ETV3: variants seen among roughly 807,000 people sequenced by gnomAD.
ETV3 encodes ETS variant transcription factor 3, also known as ETS translocation variant 3.
ETV3 carries 8 observed loss-of-function variants against 33.0 expected under a neutral mutation model. The observed-to-expected ratio is 0.24, with a 90% CI of 0.14 to 0.44. ETV3 has a LOEUF of 0.44. ETV3 is among the 20% of genes least tolerant of loss of function. The pLI is 1.00. For synonymous variants in ETV3, 222 were observed against 238.9 expected, an observed-to-expected ratio of 0.93 and a Z score of 0.65; for missense variants, 473 against 652.3, an observed-to-expected ratio of 0.73 and a Z score of 2.99.
intron 1 of ETV3, among the ~76,000 whole-genome samples, chr1:157,137,854 C>G (rs1675158860): frequency 6.6e-6 from 1 of 152,180 alleles, no homozygotes; most frequent in African/African-American, 2.4e-5. Flanking sequence ...AGCCCTGGGG[C>G]GCCTCTGCAC....
chr1:157,135,750 G>A, intron 2 of ETV3, 42 bp from the exon 3 acceptor site: 1 of 1,574,250 alleles, frequency 6.4e-7, no homozygotes, highest in Non-Finnish European at 8.7e-7. Flanking sequence ...TTAAGAGGTA[G>A]GTACATACAT....
At position 157,125,366 on chromosome 1, in the gene ETV3, C is replaced by T; in HGVS notation, c.1014G>A (p.Glu338=). 6.4e-7 allele frequency: 1 copy of T among 1,552,002 alleles called. No individual in the cohort carries two copies. The highest frequency in any genetic ancestry group is 1.2e-5 in the South Asian group (1 of 84,064). ...PPLQCQMHPE[E]STQFSIKLQP... ...GCAGCTTGATGGAGAACTGAGTTGA[C>T]TCCTCAGGATGCATTTGGCACTGCA... is the stretch of plus-strand genomic sequence containing the variant. Residue 338 remains glutamate (E), a synonymous_variant, in exon 5 of 5, where the codon GAG becomes GAA. Transcript: ENST00000368192. The surrounding 1 kb of genome is among the most constrained non-coding windows in gnomAD (Gnocchi z 4.0).
rs1427305629 is a variant in ETV3, at chr1:157,125,890, C to G, written c.490G>C (p.Val164Leu). 2 of 1,551,758 alleles carry G rather than the reference C, an allele frequency of 1.3e-6. No homozygotes were observed. Among genetic ancestry groups the G allele is most frequent in the South Asian group, 2.4e-5 (2 of 84,060 alleles). The part of the protein sequence containing the change: ...PLDTHSPTND[V>L]QPGRFSASSL... ...CTAGCAGAGAACCGTCCCGGCTGCA[C>G]ATCATTGGTTGGAGAATGGGTGTCC... The change falls in exon 5 of 5, where the codon GTG (valine) becomes CTG (leucine). Residue 164 changes from valine to leucine, a missense_variant. Val to Leu is a conservative substitution (Grantham distance 32, BLOSUM62 1). Coordinates refer to ENST00000368192, the MANE Select transcript of ETV3 (RefSeq NM_001145312.3). This position sits in a 1 kb window ranked among gnomAD's most constrained non-coding sequence, Gnocchi z 4.0.
intron 1 of ETV3, among the ~76,000 whole-genome samples, chr1:157,138,023 G>T (rs890511498): frequency 6.6e-6 from 1 of 152,160 alleles, no homozygotes; most frequent in Non-Finnish European, 1.5e-5. Flanking sequence ...CAGCAGCTCC[G>T]GGTCCTGGCT....
rs995016813 is a variant in ETV3 at position 157,137,505 on chromosome 1, G to GAA, written c.-14+809_-14+810dup. Among the ~76,000 whole-genome samples, 114 of 115,140 alleles carry GAA rather than the reference G, an allele frequency of 9.9e-4. No individual in the cohort carries two copies. The Middle Eastern group carries it at 0.02, about 20-fold the overall frequency. 75.5% of individuals were successfully genotyped at this position (115,140 alleles called of 152,430 possible). On this transcript the variant is annotated intron_variant, in intron 1 of 4. Coordinates refer to ENST00000368192, the MANE Select transcript of ETV3 (RefSeq NM_001145312.3). ...CACCCCAAAGGAAGGAGCAGACAAG[G>GAA]AAAAACACACACACACACACACACA...
At chr1:157,135,210 G>C in intron 3 of ETV3, 1 of 589,566 alleles carries the variant, frequency 1.7e-6, no homozygotes, top group South Asian at 2.1e-5. Context: ...GCCCACTACA[G>C]AGCAGAATCA....
In ETV3 at chr1:157,125,998, C is replaced by T. The variant is rs574745199; in HGVS notation, c.401-19G>A. On this transcript the variant is annotated intron_variant, in intron 4 of 4. Coordinates refer to ENST00000368192, the MANE Select transcript of ETV3 (RefSeq NM_001145312.3). The surrounding 1 kb of genome is among the most constrained non-coding windows in gnomAD (Gnocchi z 4.0). ...ACCACACCTGTGATGGTGGAAAATACAAAAGCCTGCATCAGAGGACTGCTC... is the reference window on the plus strand; with the variant it reads ...ACCACACCTGTGATGGTGGAAAATATAAAAGCCTGCATCAGAGGACTGCTC... The T allele has an allele frequency of 4.2e-5, 63 of 1,518,044 alleles. No homozygotes were observed. The highest frequency in any genetic ancestry group is 6.5e-5 in the Admixed American group (3 of 45,856). The allele number at this position is 1,518,044 out of a possible 1,614,324, so 94.0% of individuals were successfully genotyped here. A position where few individuals can be genotyped will look rare whatever the true frequency, so the allele number is the denominator to read the frequency against.
intron 4 of ETV3, chr1:157,133,374 G>A: frequency 1.0e-6 from 1 of 984,708 alleles, no homozygotes; most frequent in Non-Finnish European, 1.2e-6. Flanking sequence ...CAGATAAGGG[G>A]AACTACTGTA....
At chr1:157,128,694 T>C (rs1313416973) in intron 4 of ETV3, 1 of 172,622 alleles carries the variant, frequency 5.8e-6, no homozygotes, top group Admixed American at 6.0e-5. Flanking sequence ...GCCTTATTTA[T>C]TGCAAAACAG....
rs557865006 is a variant in ETV3 at position 157,128,387 on chromosome 1, A to T, written c.401-2408T>A. 32 of 224,548 alleles carry T rather than the reference A, an allele frequency of 1.4e-4. 1 individual carries two copies. The highest frequency in any genetic ancestry group is 2.8e-4 in the Non-Finnish European group (30 of 105,282). The allele number at this position is 224,548 out of a possible 1,614,324, so 13.9% of individuals were successfully genotyped here. A position where few individuals can be genotyped will look rare whatever the true frequency, so the allele number is the denominator to read the frequency against. On this transcript the variant is annotated intron_variant, in intron 4 of 4. Transcript: ENST00000368192. ...ACGGGTGATATTGAGAAAGGCAAGA[A>T]GATTTGTGTTCAGAAGTGTGCCCAG...
Position 157,125,985 on chromosome 1 carries a change from ATGG to A in ETV3, c.401-9_401-7del. On this transcript the variant is annotated splice_region_variant and splice_polypyrimidine_tract_variant and intron_variant, in intron 4 of 4. Transcript: ENST00000368192. This position sits in a 1 kb window ranked among gnomAD's most constrained non-coding sequence, Gnocchi z 4.0. Reference sequence around the variant, plus strand: ...TGCACTCTGAGGAACCACACCTGTGATGGTGGAAAATACAAAAGCCTGCATCAG... The same window carrying A: ...TGCACTCTGAGGAACCACACCTGTGATGGAAAATACAAAAGCCTGCATCAG... 6.5e-7 allele frequency: 1 copy of A among 1,531,660 alleles called. No homozygotes were observed. The highest frequency in any genetic ancestry group is 8.8e-7 in the Non-Finnish European group (1 of 1,138,720). The allele number at this position is 1,531,660 out of a possible 1,614,324, so 94.9% of individuals were successfully genotyped here.
At chr1:157,136,966 T>C (rs578188981) in intron 1 of ETV3, among the ~76,000 whole-genome samples, 3 of 152,316 alleles carry the variant, frequency 2.0e-5, no homozygotes, top group South Asian at 2.1e-4. Context: ...AAACACACCA[T>C]ATGTACATTT....
intron 1 of ETV3, among the ~76,000 whole-genome samples, chr1:157,137,509 A>AAC (rs10567825): frequency 0.02 from 2,860 of 145,050 alleles, 29 homozygotes; most frequent in Middle Eastern, 0.024. Flanking sequence ...GACAAGGAAA[A>AAC]ACACACACAC....
intron 3 of ETV3, 23 bp downstream of exon 3, chr1:157,135,448 G>GA: frequency 6.2e-6 from 10 of 1,613,210 alleles, no homozygotes; most frequent in Non-Finnish European, 8.5e-6. Context: ...TGTTAACACA[G>GA]ATTTGGGAAT....
chr1:157,132,761 T>C (rs1674998231), intron 4 of ETV3, among the ~76,000 whole-genome samples: 1 of 152,022 alleles, frequency 6.6e-6, no homozygotes, highest in African/African-American at 2.4e-5. Context: ...TTTTTTTTTT[T>C]TTAAATGCAT....
intron 4 of ETV3, among the ~76,000 whole-genome samples, chr1:157,131,987 C>CT (rs1674977094): frequency 6.6e-6 from 1 of 152,222 alleles, no homozygotes; most frequent in South Asian, 2.1e-4. Flanking sequence ...TTTATTGAGA[C>CT]TGAGTCTCGC....
chr1:157,132,204 TC>T (rs1674983994), intron 4 of ETV3, among the ~76,000 whole-genome samples: 1 of 152,236 alleles, frequency 6.6e-6, no homozygotes, highest in Non-Finnish European at 1.5e-5. Flanking sequence ...GGCCTTGGCC[TC>T]CCAAAGTGTT....
Position 157,124,534 on chromosome 1 carries a change from G to T in ETV3, c.*307C>A. On this transcript the variant is annotated 3_prime_UTR_variant, in exon 5 of 5. Transcript: ENST00000368192. ...AACCTGACTATCATGGGACCAAAAA[G>T]TATCTTGGCCCTTTGGGAGTTTCCT... 4.1e-6 allele frequency: 1 copy of T among 241,374 alleles called. No homozygotes were observed. The allele number at this position is 241,374 out of a possible 1,614,324, so 15.0% of individuals were successfully genotyped here.
intron 4 of ETV3, chr1:157,133,861 T>C (rs1675030233): frequency 2.2e-6 from 3 of 1,333,542 alleles, no homozygotes; most frequent in Non-Finnish European, 2.9e-6. Flanking sequence ...TAATAGTATC[T>C]AGGAGATTAC....
Sources: gnomAD v4.1 joint callset for allele counts (sites outside exome capture counted in the v4.1 genomes callset) on GRCh38, gnomAD v4.1.1 for gene constraint, Gnocchi (gnomAD v3.1) non-coding constraint, MANE v1.5 for transcripts, NCBI Gene and HGNC (gene_info 2026-07-23, HGNC 2026-07-21) for gene names.